The following PDZD2 variants were observed in gnomAD, a reference collection of about 807,000 sequenced individuals.
The protein encoded by PDZD2 is PDZ domain containing 2.
In PDZD2, 90 loss-of-function variants were observed where a neutral mutation model predicts 220.7. That is an observed-to-expected ratio of 0.41 (90% CI 0.34 to 0.49). The LOEUF is 0.49. PDZD2 is among the 20% of genes least tolerant of loss of function. The probability of loss-of-function intolerance (pLI) is 0.28; values close to 1 mark genes in which losing one functional copy is unlikely to be tolerated. For missense variants in PDZD2, 3,174 were observed against 3,608.5 expected (o/e 0.88, Z 3.08); for synonymous variants, 1,375 against 1,450.5 (o/e 0.95, Z 1.18).
chr5:32,065,193 A>C (rs1161810240), intron 14 of PDZD2, among the ~76,000 whole-genome samples: 1 of 151,098 alleles, frequency 6.6e-6, no homozygotes, highest in South Asian at 2.1e-4. Context: ...TAGCTACTCC[A>C]GTGCTGAGGA....
chr5:31,793,556 C>T (rs1046400437), intron 1 of PDZD2, among the ~76,000 whole-genome samples: 1 of 152,138 alleles, frequency 6.6e-6, no homozygotes, highest in African/African-American at 2.4e-5. Context: ...CCTGTAATCC[C>T]AGCACTTTGG....
intron 1 of PDZD2, among the ~76,000 whole-genome samples, chr5:31,686,682 T>A (rs530927887): frequency 6.6e-6 from 1 of 152,352 alleles, no homozygotes; most frequent in South Asian, 2.1e-4. Flanking sequence ...ATATATTTCT[T>A]ACCGAATATC....
intron 1 of PDZD2, among the ~76,000 whole-genome samples, chr5:31,736,990 G>A (rs1749899023): frequency 8.1e-6 from 1 of 123,738 alleles, no homozygotes; most frequent in Non-Finnish European, 1.8e-5. Flanking sequence ...GCAGATGCCA[G>A]CACTATGCTT....
At chr5:31,799,985 C>G (rs1754300172) in intron 2 of PDZD2, among the ~76,000 whole-genome samples, 7 of 152,120 alleles carry the variant, frequency 4.6e-5, no homozygotes, top group Non-Finnish European at 2.9e-5. Context: ...GACTCACAGT[C>G]CAGAAGCCCC....
In PDZD2 at chr5:32,088,405, C is replaced by T. The variant is rs141140946; in HGVS notation, c.4957C>T (p.Pro1653Ser). 6.2e-7 allele frequency: 1 copy of T among 1,613,842 alleles called. No homozygotes were observed. The highest frequency in any genetic ancestry group is 2.2e-5 in the East Asian group (1 of 44,858). Reference sequence around the variant, plus strand: ...TCCCCGTGAGAAGGCCGCCTGCTTGCCAGGCTCATACACTTCAGGCCCAGA... The same window carrying T: ...TCCCCGTGAGAAGGCCGCCTGCTTGTCAGGCTCATACACTTCAGGCCCAGA... The part of the protein sequence containing the change: ...ASPREKAACL[P>S]GSYTSGPDSS... The change falls in exon 20 of 25, where the codon CCA becomes TCA. Residue 1653 changes from proline to serine, a missense_variant. By Grantham distance (74) the Pro-to-Ser change is moderately conservative. Around this residue, in one of 4 missense-constraint regions of PDZD2, gnomAD observed 1,861 missense variants for 2,001.0 expected, o/e 0.93. Coordinates refer to ENST00000438447, the MANE Select transcript of PDZD2 (RefSeq NM_178140.4). This position sits in a 1 kb window ranked among gnomAD's most constrained non-coding sequence, Gnocchi z 4.6.
intron 2 of PDZD2, among the ~76,000 whole-genome samples, chr5:31,911,470 G>A (rs1269696369): frequency 6.6e-6 from 1 of 152,212 alleles, no homozygotes; most frequent in African/African-American, 2.4e-5. Context: ...GGGTTCAGAA[G>A]CCCCTGACTT....
At chr5:31,946,249 T>C (rs901607392) in intron 2 of PDZD2, among the ~76,000 whole-genome samples, 5 of 152,232 alleles carry the variant, frequency 3.3e-5, no homozygotes, top group African/African-American at 1.2e-4. Context: ...GTGCTCTGCC[T>C]GCCTCGGCCT....
chr5:31,998,644 A>G (rs1381202638), intron 4 of PDZD2, among the ~76,000 whole-genome samples: 1 of 152,226 alleles, frequency 6.6e-6, no homozygotes, highest in African/African-American at 2.4e-5. Context: ...GAGAAGTCCA[A>G]TCTTTTGGCT....
intron 1 of PDZD2, among the ~76,000 whole-genome samples, chr5:31,703,072 T>G (rs1420087528): frequency 6.6e-6 from 1 of 152,226 alleles, no homozygotes; most frequent in Non-Finnish European, 1.5e-5. Context: ...TCAGCTCCAC[T>G]CATACATAGA....
rs543486224 is a variant in PDZD2 at position 31,873,280 on chromosome 5, A to T, written c.476+73556A>T. ...GAGACCCCATCTCTACAAAAAATTT[A>T]AAAATTAGCTGGGCATGGTAGCATG... On this transcript the variant is annotated intron_variant, in intron 2 of 24. Transcript: ENST00000438447. Among the ~76,000 whole-genome samples, 340 of 152,108 alleles carry T rather than the reference A, an allele frequency of 2.2e-3. 2 individuals are homozygous for T. The highest frequency in any genetic ancestry group is 8.0e-3 in the African/African-American group (333 of 41,488).
chr5:31,921,380 A>AG (rs927271588), intron 2 of PDZD2, among the ~76,000 whole-genome samples: 7 of 151,536 alleles, frequency 4.6e-5, no homozygotes, highest in Admixed American at 1.3e-4. Context: ...TGTACAGGTA[A>AG]AAAAAAACTT....
At chr5:31,852,862 G>A (rs1758140435) in intron 2 of PDZD2, among the ~76,000 whole-genome samples, 1 of 152,180 alleles carries the variant, frequency 6.6e-6, no homozygotes, top group African/African-American at 2.4e-5. Context: ...CTCCCAAAGT[G>A]TTGGGATTAC....
chr5:31,654,404 A>G (rs1745465794), intron 1 of PDZD2, among the ~76,000 whole-genome samples: 2 of 152,044 alleles, frequency 1.3e-5, no homozygotes, highest in South Asian at 4.2e-4. Context: ...TGGAGGGCCC[A>G]GGACTCAATG....
At chr5:31,847,747 G>C (rs1308659194) in intron 2 of PDZD2, 2 of 593,534 alleles carry the variant, frequency 3.4e-6, no homozygotes, top group Non-Finnish European at 6.5e-6. Context: ...AGTTTTGGAG[G>C]CCCTGAAGGA....
chr5:31,813,173 A>G (rs36100833), intron 2 of PDZD2, among the ~76,000 whole-genome samples: 75,511 of 152,044 alleles, frequency 0.5, 20,636 homozygotes, highest in African/African-American at 0.7. Context: ...ATTCACGGCC[A>G]GGTGCGGTGG....
At chr5:31,665,822 C>T (rs1048658402) in intron 1 of PDZD2, among the ~76,000 whole-genome samples, 2 of 152,098 alleles carry the variant, frequency 1.3e-5, no homozygotes, top group Non-Finnish European at 2.9e-5. Flanking sequence ...TGAAAAAAGA[C>T]TAATCCAAGA....
intron 2 of PDZD2, among the ~76,000 whole-genome samples, chr5:31,838,067 TCC>T (rs1325265105): frequency 3.9e-5 from 6 of 152,194 alleles, no homozygotes; most frequent in Non-Finnish European, 7.3e-5. Flanking sequence ...AAAAATTATA[TCC>T]TGTGTTTATA....
intron 1 of PDZD2, among the ~76,000 whole-genome samples, chr5:31,762,210 TATC>T (rs1209619880): frequency 6.6e-6 from 1 of 152,214 alleles, no homozygotes; most frequent in Non-Finnish European, 1.5e-5. Context: ...ATCCAAACCA[TATC>T]ATCAGTTTAC....
At chr5:31,873,270 C>T (rs1484460722) in intron 2 of PDZD2, among the ~76,000 whole-genome samples, 1 of 151,802 alleles carries the variant, frequency 6.6e-6, no homozygotes, top group African/African-American at 2.4e-5. Context: ...CCCATCTCTA[C>T]AAAAAATTTA....
Sources: gnomAD v4.1 joint callset for allele counts (sites outside exome capture counted in the v4.1 genomes callset) on GRCh38, gnomAD v4.1.1 for gene constraint, gnomAD v4.1.1 regional missense constraint, Gnocchi (gnomAD v3.1) non-coding constraint, MANE v1.5 for transcripts, NCBI Gene and HGNC (gene_info 2026-07-23, HGNC 2026-07-21) for gene names.